The following FERMT1 variants were observed in gnomAD, a reference collection of about 807,000 sequenced individuals.
FERMT1 encodes FERM domain containing kindlin 1.
A neutral mutation model predicts 85.3 loss-of-function variants in FERMT1; 60 were observed. The observed-to-expected ratio is 0.70, with a 90% CI of 0.57 to 0.87. The LOEUF is 0.87. Among genes scored for constraint, FERMT1 ranks in the 40% least tolerant of loss-of-function variants. The pLI is 0.00. For synonymous variants in FERMT1, 275 were observed against 301.1 expected, an observed-to-expected ratio of 0.91 and a Z score of 0.90; for missense variants, 701 against 818.9, an observed-to-expected ratio of 0.86 and a Z score of 1.76.
intron 13 of FERMT1, among the ~76,000 whole-genome samples, chr20:6,080,607 C>T (rs575803360): frequency 8.6e-5 from 13 of 152,036 alleles, no homozygotes; most frequent in African/African-American, 2.4e-4. Context: ...GAGGAGGAGG[C>T]GGAAGAAGTG....
intron 1 of FERMT1, among the ~76,000 whole-genome samples, chr20:6,121,931 G>A (rs772773111): frequency 2.6e-5 from 4 of 152,164 alleles, no homozygotes; most frequent in Admixed American, 6.5e-5. Flanking sequence ...CCCCTTCATC[G>A]TCAAACTCAT....
rs1982836514 is a variant in FERMT1 at position 6,107,650 on chromosome 20, A to G, written c.747-16T>C. ...GTCTAGCCAACTAGAAAATGACAGC[A>G]TGAGTTTTAGAAGCCAGTCAATTTT... On this transcript the variant is annotated splice_polypyrimidine_tract_variant and intron_variant, in intron 5 of 14. Coordinates refer to ENST00000217289, the MANE Select transcript of FERMT1 (RefSeq NM_017671.5). The G allele has an allele frequency of 6.7e-7, 1 of 1,493,036 alleles. No homozygotes were observed. Among genetic ancestry groups the G allele is most frequent in the Non-Finnish European group, 9.3e-7 (1 of 1,070,578 alleles). 92.5% of individuals were successfully genotyped at this position (1,493,036 alleles called of 1,614,324 possible).
In FERMT1 at chr20:6,110,404, G is replaced by T. The variant is rs775064265; in HGVS notation, c.640C>A (p.Gln214Lys). The T allele has an allele frequency of 2.0e-5, 32 of 1,613,940 alleles. No individual in the cohort carries two copies. Among genetic ancestry groups the T allele is most frequent in the Non-Finnish European group, 2.6e-5 (31 of 1,179,996 alleles). ...TWFSDSPLTE[Q>K]NCSILAFSQP... ...CTGAATGCGAGGATGCTGCAGTTTT[G>T]TTCCGTCAAAGGGCTGTCACTGAAC... The change falls in exon 5 of 15, where the codon CAA (glutamine) becomes AAA (lysine). Residue 214 changes from glutamine to lysine, a missense_variant. By Grantham distance (53) the Gln-to-Lys change is moderately conservative. Coordinates refer to ENST00000217289, the MANE Select transcript of FERMT1 (RefSeq NM_017671.5).
At chr20:6,120,299 T>C (rs1376143529) in intron 1 of FERMT1, 1 of 152,240 alleles carries the variant, frequency 6.6e-6, no homozygotes, top group Non-Finnish European at 1.5e-5. Flanking sequence ...CATATAAAAA[T>C]TGATTATAAA....
At chr20:6,098,532 C>G (rs1326569293) in intron 6 of FERMT1, among the ~76,000 whole-genome samples, 1 of 151,434 alleles carries the variant, frequency 6.6e-6, no homozygotes, top group Non-Finnish European at 1.5e-5. Context: ...AAAGCCTTAT[C>G]TAGAAACAGA....
chr20:6,084,030 T>C lies in FERMT1; in HGVS notation c.1718+10A>G, dbSNP rs1982088824. On this transcript the variant is annotated intron_variant, in intron 13 of 14. Transcript: ENST00000217289. ...GGAAAGTGTGAGAAACAAGTGAACA[T>C]TGTAATCACCTGACAAGGTAGTAGG... The C allele has an allele frequency of 2.5e-6, 4 of 1,614,146 alleles. No individual in the cohort carries two copies. The highest frequency in any genetic ancestry group is 4.5e-5 in the East Asian group (2 of 44,884).
chr20:6,086,304 A>G lies in FERMT1; in HGVS notation c.1372-1017T>C, dbSNP rs138647863. On this transcript the variant is annotated intron_variant, in intron 11 of 14. Coordinates refer to ENST00000217289, the MANE Select transcript of FERMT1 (RefSeq NM_017671.5). ...GATGAAAAAAATTAGCTGATTTCCTATATTATTTGTATCCTGGTCTATCCT... is the reference window on the plus strand; with the variant it reads ...GATGAAAAAAATTAGCTGATTTCCTGTATTATTTGTATCCTGGTCTATCCT... Among the ~76,000 whole-genome samples, 708 of 152,276 alleles carry G rather than the reference A, an allele frequency of 4.6e-3. 5 individuals are homozygous for G. The highest frequency in any genetic ancestry group is 0.016 in the African/African-American group (671 of 41,548).
At position 6,077,151 on chromosome 20, in the gene FERMT1, G is replaced by A; in HGVS notation, c.*22C>T. The A allele has an allele frequency of 6.2e-7, 1 of 1,612,754 alleles. No homozygotes were observed. Among genetic ancestry groups the A allele is most frequent in the African/African-American group, 1.3e-5 (1 of 75,006 alleles). On this transcript the variant is annotated 3_prime_UTR_variant, in exon 15 of 15. Coordinates refer to ENST00000217289, the MANE Select transcript of FERMT1 (RefSeq NM_017671.5). ...CGCCTTTGGCTTGCCTTGTTGGTGT[G>A]AGCCGAGCACGCGTGCTTGTTTCAA...
chr20:6,078,162 T>C (rs898189673), intron 14 of FERMT1, among the ~76,000 whole-genome samples: 2 of 152,214 alleles, frequency 1.3e-5, no homozygotes, highest in Non-Finnish European at 2.9e-5. Context: ...TAATGGTTCG[T>C]TCCTCCTCCC....
chr20:6,117,087 C>T (rs1047239970), intron 2 of FERMT1, among the ~76,000 whole-genome samples: 1 of 152,152 alleles, frequency 6.6e-6, no homozygotes, highest in Non-Finnish European at 1.5e-5. Flanking sequence ...AATATTTTCT[C>T]CCTTTCAATG....
intron 13 of FERMT1, among the ~76,000 whole-genome samples, chr20:6,080,750 C>T (rs952407936): frequency 6.6e-6 from 1 of 152,108 alleles, no homozygotes; most frequent in Admixed American, 6.5e-5. Context: ...CGAGGAGTTG[C>T]CTTCTACTGA....
At chr20:6,082,246 C>T (rs1001340527) in intron 13 of FERMT1, among the ~76,000 whole-genome samples, 3 of 152,224 alleles carry the variant, frequency 2.0e-5, no homozygotes, top group Non-Finnish European at 4.4e-5. Flanking sequence ...GCCCACACCA[C>T]GCTTCACCAC....
chr20:6,116,194 A>T, intron 2 of FERMT1, 150 bp from the exon 3 acceptor site: 1 of 678,556 alleles, frequency 1.5e-6, no homozygotes, highest in Non-Finnish European at 2.6e-6. Context: ...AAGGCTTAAC[A>T]ACTTTTGGCT....
intron 9 of FERMT1, among the ~76,000 whole-genome samples, chr20:6,089,697 C>T (rs960707854): frequency 4.6e-5 from 7 of 152,156 alleles, no homozygotes; most frequent in African/African-American, 7.2e-5. Context: ...TGGAAATCAG[C>T]GATATCTACA....
chr20:6,089,394 A>G (rs1467113468), intron 9 of FERMT1, among the ~76,000 whole-genome samples: 1 of 152,174 alleles, frequency 6.6e-6, no homozygotes, highest in East Asian at 1.9e-4. Context: ...GGACCGTCGT[A>G]GTCTGGGAAC....
At chr20:6,110,628 A>G (rs891657576) in intron 4 of FERMT1, 117 bp from the exon 5 acceptor site, 6 of 850,344 alleles carry the variant, frequency 7.1e-6, no homozygotes, top group Non-Finnish European at 1.2e-5. Context: ...GGCACCATTT[A>G]AAATAATATA....
rs2123082718 is a variant in FERMT1, at chr20:6,076,602, A to T, written c.*571T>A. The T allele has an allele frequency of 2.4e-6, 1 of 409,904 alleles. No individual in the cohort carries two copies. Among genetic ancestry groups the T allele is most frequent in the South Asian group, 1.8e-5 (1 of 55,984 alleles). The allele number at this position is 409,904 out of a possible 1,614,324, so 25.4% of individuals were successfully genotyped here. A position where few individuals can be genotyped will look rare whatever the true frequency, so the allele number is the denominator to read the frequency against. On this transcript the variant is annotated 3_prime_UTR_variant, in exon 15 of 15. Coordinates refer to ENST00000217289, the MANE Select transcript of FERMT1 (RefSeq NM_017671.5). ...GCCACTCCTCTGACCTTGGGTTGTC[A>T]ACTGCTACCTGGTAGCCCCACCCCT... is the stretch of plus-strand genomic sequence containing the variant.
At chr20:6,080,532 G>C (rs561509610) in intron 13 of FERMT1, among the ~76,000 whole-genome samples, 2 of 152,320 alleles carry the variant, frequency 1.3e-5, no homozygotes, top group South Asian at 4.1e-4. Context: ...AATTTAGTGG[G>C]ATCAGGGTAG....
intron 8 of FERMT1, 107 bp from the exon 9 acceptor site, chr20:6,095,095 A>T: frequency 7.1e-6 from 5 of 700,168 alleles, no homozygotes; most frequent in Non-Finnish European, 1.3e-5. Flanking sequence ...TGCCTATTTA[A>T]ATTTGAATTA....
Sources: allele counts gnomAD v4.1 joint callset (sites outside exome capture counted in the v4.1 genomes callset), GRCh38; gene constraint gnomAD v4.1.1; transcripts MANE v1.5; gene names NCBI Gene and HGNC (gene_info 2026-07-23, HGNC 2026-07-21).